Variants in FKBP5 observed in about 807,000 individuals in gnomAD.
FKBP5 encodes peptidyl-prolyl cis-trans isomerase FKBP5.
In FKBP5, 23 loss-of-function variants were observed where a neutral mutation model predicts 50.5. The observed-to-expected ratio is 0.46, with a 90% confidence interval of 0.33 to 0.65. The LOEUF (loss-of-function observed/expected upper bound fraction) is 0.65. Ranked by LOEUF, FKBP5 falls within the 30% of genes least tolerant of loss-of-function variation. The pLI is 0.02. For missense variants in FKBP5, 411 were observed against 553.1 expected (o/e 0.74, Z 2.58); for synonymous variants, 176 against 190.6 (o/e 0.92, Z 0.63).
Position 35,580,183 on chromosome 6 carries a change from C to T in FKBP5, c.879G>A (p.Lys293=), listed in dbSNP as rs779559381. The change falls in exon 9 of 11, where the codon AAG becomes AAA. Residue 293 remains lysine, a synonymous_variant. Coordinates refer to ENST00000357266, the MANE Select transcript of FKBP5 (RefSeq NM_004117.4). ...KYMQAVIQYG[K]IVSWLEMEYG... is the part of the protein sequence containing the mutation. ...ATTCCATCTCTAACCAGGACACTAT[C>T]TTCCCATACTGAATCACCGCCTGCA... 3 of 1,614,104 alleles carry T rather than the reference C, an allele frequency of 1.9e-6. No homozygotes were observed. Among genetic ancestry groups the T allele is most frequent in the Middle Eastern group, 1.6e-4 (1 of 6,062 alleles).
intron 1 of FKBP5, among the ~76,000 whole-genome samples, chr6:35,664,982 T>C (rs919268925): frequency 6.6e-6 from 1 of 152,200 alleles, no homozygotes; most frequent in South Asian, 2.1e-4. Flanking sequence ...ACTTAATCAA[T>C]AGGACCGCCA....
rs368769419 is a variant in FKBP5 at position 35,625,174 on chromosome 6, C to T, written c.251-4900G>A. On this transcript the variant is annotated intron_variant, in intron 3 of 10. Transcript: ENST00000357266. ...TCTTGGCTCATTGCAACCTCTGCCT[C>T]CTGGGTTCAAGCAATTCTCGTGCCT... Among the ~76,000 whole-genome samples, 4 of 152,254 alleles carry T rather than the reference C, an allele frequency of 2.6e-5. No homozygotes were observed. The East Asian group carries it at 7.8e-4, about 30-fold the overall frequency.
intron 2 of FKBP5, 50 bp downstream of exon 2, chr6:35,642,670 C>G (rs776147664): frequency 6.9e-7 from 1 of 1,442,478 alleles, no homozygotes; most frequent in East Asian, 2.3e-5. Flanking sequence ...ATGCTATAAT[C>G]TTTCCAGACA....
At chr6:35,713,055 C>T (rs536196749) in intron 2 of FKBP5, among the ~76,000 whole-genome samples, 112 of 115,288 alleles carry the variant, frequency 9.7e-4, no homozygotes, top group Non-Finnish European at 6.3e-4. Flanking sequence ...CCAGCCCAGG[C>T]GACAATGCAA....
chr6:35,588,836 G>A (rs1762700922), intron 7 of FKBP5, among the ~76,000 whole-genome samples: 2 of 150,184 alleles, frequency 1.3e-5, no homozygotes, highest in South Asian at 4.2e-4. Context: ...AAACTCTTGG[G>A]CTCAAGCCAT....
At chr6:35,627,950 T>C (rs1764049739) in intron 3 of FKBP5, among the ~76,000 whole-genome samples, 1 of 150,214 alleles carries the variant, frequency 6.7e-6, no homozygotes, top group African/African-American at 2.4e-5. Context: ...TTTTTTTTTT[T>C]TAGTAGAGAC....
chr6:35,626,559 A>G (rs1022926989), intron 3 of FKBP5, among the ~76,000 whole-genome samples: 1 of 152,212 alleles, frequency 6.6e-6, no homozygotes, highest in African/African-American at 2.4e-5. Flanking sequence ...ACTATTTTTA[A>G]GTATATTCAC....
At chr6:35,585,177 G>C (rs1439220887) in intron 8 of FKBP5, 1 of 978,878 alleles carries the variant, frequency 1.0e-6, no homozygotes, top group Non-Finnish European at 1.2e-6. Context: ...ATTCTATTTG[G>C]AAGTATTGAG....
In FKBP5 at chr6:35,660,346, G is replaced by A. The variant is rs954681473; in HGVS notation, c.-19-17503C>T. 6.2e-5 allele frequency among the ~76,000 whole-genome samples: 4 copies of A among 64,624 alleles called. 2 individuals are homozygous for A. Among genetic ancestry groups the A allele is most frequent in the African/African-American group, 1.0e-4 (2 of 19,680 alleles). The allele number at this position is 64,624 out of a possible 152,430, so 42.4% of individuals were successfully genotyped here. Reference sequence around the variant, plus strand: ...TGCAATGACGCAATCTCAGCTCACCGCAACCCGTGCCTCCCAGGTTCAAGC... The same window carrying A: ...TGCAATGACGCAATCTCAGCTCACCACAACCCGTGCCTCCCAGGTTCAAGC... On this transcript the variant is annotated intron_variant, in intron 1 of 10. Coordinates refer to ENST00000357266, the MANE Select transcript of FKBP5 (RefSeq NM_004117.4).
upstream of FKBP5, among the ~76,000 whole-genome samples, chr6:35,691,770 T>C (rs1181555197): frequency 6.6e-6 from 1 of 152,186 alleles, no homozygotes. Context: ...TGACATGCGC[T>C]ATGGCTGCAG....
At chr6:35,721,501 G>T (rs1766610070) in intron 1 of FKBP5, among the ~76,000 whole-genome samples, 1 of 151,764 alleles carries the variant, frequency 6.6e-6, no homozygotes. Context: ...TATTGCCCAG[G>T]CTGGAGTGCA....
intron 2 of FKBP5, among the ~76,000 whole-genome samples, chr6:35,637,968 G>A (rs1465792765): frequency 1.3e-5 from 2 of 152,092 alleles, no homozygotes; most frequent in Non-Finnish European, 2.9e-5. Flanking sequence ...GGTAAAACAG[G>A]TTACATTTCC....
chr6:35,582,532 G>T, intron 8 of FKBP5: 1 of 478,172 alleles, frequency 2.1e-6, no homozygotes, highest in East Asian at 1.5e-4. Flanking sequence ...CAGCAAGAAG[G>T]GAGCTACAAG....
chr6:35,576,733 T>C (rs1762229875), intron 10 of FKBP5, among the ~76,000 whole-genome samples: 1 of 152,068 alleles, frequency 6.6e-6, no homozygotes, highest in Non-Finnish European at 1.5e-5. Context: ...CCATTGAAAG[T>C]AATGGTAAAA....
intron 2 of FKBP5, among the ~76,000 whole-genome samples, chr6:35,707,358 A>ACCACCAC (rs1766337335): frequency 6.6e-6 from 1 of 151,514 alleles, no homozygotes; most frequent in East Asian, 1.9e-4. Flanking sequence ...CTGGGATTAC[A>ACCACCAC]GGCATGCACC....
At chr6:35,595,395 C>T (rs1473960378) in intron 6 of FKBP5, among the ~76,000 whole-genome samples, 1 of 152,168 alleles carries the variant, frequency 6.6e-6, no homozygotes, top group Non-Finnish European at 1.5e-5. Context: ...ATATACATTA[C>T]ACATAAATCC....
intron 1 of FKBP5, among the ~76,000 whole-genome samples, chr6:35,672,701 G>A (rs533700289): frequency 4.6e-4 from 70 of 151,642 alleles, no homozygotes; most frequent in African/African-American, 1.4e-3. Context: ...TGAGGCGGGC[G>A]GATCACAAGG....
chr6:35,672,312 C>T (rs528637735), intron 1 of FKBP5, among the ~76,000 whole-genome samples: 1 of 151,958 alleles, frequency 6.6e-6, no homozygotes, highest in Non-Finnish European at 1.5e-5. Context: ...AAAAAGAAAC[C>T]AAACCATGAG....
chr6:35,645,616 T>C (rs191072130), intron 1 of FKBP5, among the ~76,000 whole-genome samples: 1 of 152,206 alleles, frequency 6.6e-6, no homozygotes, highest in East Asian at 1.9e-4. Context: ...TACTACTATA[T>C]GTCAGCCTTT....
Sources: allele counts gnomAD v4.1 joint callset (sites outside exome capture counted in the v4.1 genomes callset), GRCh38; gene constraint gnomAD v4.1.1; transcripts MANE v1.5; gene names NCBI Gene and HGNC (gene_info 2026-07-23, HGNC 2026-07-21).